Variants in CSPG5 observed in about 807,000 individuals in gnomAD.
The protein encoded by CSPG5 is chondroitin sulfate proteoglycan 5.
CSPG5 carries 25 observed loss-of-function variants against 39.8 expected under a neutral mutation model. The ratio of observed to expected loss-of-function variants is 0.63; its 90% CI spans 0.46 to 0.88. The LOEUF (loss-of-function observed/expected upper bound fraction) is 0.88. Ranked by LOEUF, CSPG5 falls within the 40% of genes least tolerant of loss-of-function variation. The probability of loss-of-function intolerance (pLI) is 0.00; values close to 1 mark genes in which losing one functional copy is unlikely to be tolerated. For missense variants in CSPG5, 627 were observed against 702.2 expected (o/e 0.89, Z 1.21); for synonymous variants, 295 against 303.9 (o/e 0.97, Z 0.31).
chr3:47,569,528 C>T lies in CSPG5; in HGVS notation c.1383-301G>A, dbSNP rs544002650. ...CTGAGGCAGGAGAATTGTTTGAACCCAGGAGGCGGAGGTTGCAGGGAGCCA... is the reference window on the plus strand; with the variant it reads ...CTGAGGCAGGAGAATTGTTTGAACCTAGGAGGCGGAGGTTGCAGGGAGCCA... On this transcript the variant is annotated intron_variant, in intron 3 of 4. Coordinates refer to ENST00000264723, the MANE Select transcript of CSPG5 (RefSeq NM_006574.4). Among the ~76,000 whole-genome samples, 163 of 151,846 alleles carry T rather than the reference C, an allele frequency of 1.1e-3. 1 individual carries two copies. The highest frequency in any genetic ancestry group is 3.6e-3 in the African/African-American group (149 of 41,438).
intron 4 of CSPG5, 24 bp from the exon 5 acceptor site, chr3:47,562,785 G>A (rs371137351): frequency 1.3e-6 from 2 of 1,581,090 alleles, no homozygotes; most frequent in South Asian, 2.2e-5. Context: ...AAAGTTGGGG[G>A]GGGGGAGACA....
At chr3:47,571,475 C>T (rs896238413) in intron 3 of CSPG5, among the ~76,000 whole-genome samples, 5 of 152,224 alleles carry the variant, frequency 3.3e-5, no homozygotes, top group African/African-American at 1.2e-4. Flanking sequence ...GCTCACCCAC[C>T]CCCTTGGTGT....
intron 4 of CSPG5, among the ~76,000 whole-genome samples, chr3:47,567,043 C>A (rs781770875): frequency 6.6e-6 from 1 of 152,220 alleles, no homozygotes; most frequent in Non-Finnish European, 1.5e-5. Flanking sequence ...GAACAAGAAA[C>A]CTTCGCACCG....
Position 47,578,309 on chromosome 3 carries a change from A to AGGCCCCGCCCC in CSPG5, c.97+277_97+287dup, listed in dbSNP as rs1296316274. ...GGTCCCGCCCCGAAGTCTCACCCTC[A>AGGCCCCGCCCC]GGCCCCGCCCCGGCCCCGCCCCGGC... On this transcript the variant is annotated intron_variant, in intron 1 of 4. Coordinates refer to ENST00000264723, the MANE Select transcript of CSPG5 (RefSeq NM_006574.4). This position sits in a 1 kb window ranked among gnomAD's most constrained non-coding sequence, Gnocchi z 6.0. Among the ~76,000 whole-genome samples, 204 of 138,436 alleles carry AGGCCCCGCCCC rather than the reference A, an allele frequency of 1.5e-3. No homozygotes were observed. Among genetic ancestry groups the AGGCCCCGCCCC allele is most frequent in the Non-Finnish European group, 2.7e-3 (170 of 63,562 alleles). 90.8% of individuals were successfully genotyped at this position (138,436 alleles called of 152,430 possible).
At chr3:47,575,967 C>T (rs899956369) in intron 2 of CSPG5, among the ~76,000 whole-genome samples, 43 of 110,870 alleles carry the variant, frequency 3.9e-4, no homozygotes, top group African/African-American at 1.4e-3. Flanking sequence ...GACAGAGTTT[C>T]GCTCTTGCTG....
chr3:47,572,821 A>G lies in CSPG5; in HGVS notation c.1247T>C (p.Ile416Thr). The G allele has an allele frequency of 6.2e-7, 1 of 1,614,084 alleles. No individual in the cohort carries two copies. The highest frequency in any genetic ancestry group is 8.5e-7 in the Non-Finnish European group (1 of 1,179,954). Residue 416 changes from isoleucine (I) to threonine (T), a missense_variant, in exon 3 of 5, where the codon ATC becomes ACC. Transcript: ENST00000264723. This position sits in a 1 kb window ranked among gnomAD's most constrained non-coding sequence, Gnocchi z 4.5. ...WHKGMRCESI[I>T]TDFQVMCVAV... ...CACGCACATCACCTGGAAGTCGGTG[A>G]TGATGGACTCGCAGCGCATCCCCTT...
intron 3 of CSPG5, among the ~76,000 whole-genome samples, chr3:47,570,177 C>T (rs1184660852): frequency 6.6e-6 from 1 of 151,994 alleles, no homozygotes; most frequent in Non-Finnish European, 1.5e-5. Context: ...GTTGGCTGCA[C>T]CTATCAACCC....
At position 47,562,476 on chromosome 3, in the gene CSPG5, T is replaced by G; in HGVS notation, c.*124A>C. ...GTACAAAATACATAAAAGCATGCCA[T>G]GAGATCAGAAAAAGAAAAGAGTTTA... is the stretch of plus-strand genomic sequence containing the variant. On this transcript the variant is annotated 3_prime_UTR_variant, in exon 5 of 5. Coordinates refer to ENST00000264723, the MANE Select transcript of CSPG5 (RefSeq NM_006574.4). 2 of 979,572 alleles carry G rather than the reference T, an allele frequency of 2.0e-6. No homozygotes were observed. The highest frequency in any genetic ancestry group is 3.0e-6 in the Non-Finnish European group (2 of 666,026). 60.7% of individuals were successfully genotyped at this position (979,572 alleles called of 1,614,324 possible).
Position 47,576,929 on chromosome 3 carries a change from T to C in CSPG5, c.1097A>G (p.His366Arg), listed in dbSNP as rs1371549060. 1.2e-6 allele frequency: 2 copies of C among 1,612,988 alleles called. No individual in the cohort carries two copies. The highest frequency in any genetic ancestry group is 1.7e-4 in the Middle Eastern group (1 of 6,058). The change falls in exon 2 of 5, where the codon CAT (histidine) becomes CGT (arginine). Residue 366 changes from histidine (H) to arginine (R), a missense_variant. Coordinates refer to ENST00000264723, the MANE Select transcript of CSPG5 (RefSeq NM_006574.4). Reference protein sequence around the residue: ...GTECRSGFVRHNGSCRSVCDL... With the variant: ...GTECRSGFVRRNGSCRSVCDL... ...GCACACTGACCGGCAGGAGCCGTTA[T>C]GCCGCACAAAGCCACTGCGGCACTC...
In CSPG5 at chr3:47,577,983, G is replaced by T; in HGVS notation, c.98-55C>A. The stretch of plus-strand genomic sequence containing the variant: ...TCAGGGCGGCGCGCTGAGGAGCCCT[G>T]GAGCCCCGGCCCGCCCCGGTCAGGC... On this transcript the variant is annotated intron_variant, in intron 1 of 4. Transcript: ENST00000264723. This position sits in a 1 kb window ranked among gnomAD's most constrained non-coding sequence, Gnocchi z 4.7. 1 of 1,369,234 alleles carries T rather than the reference G, an allele frequency of 7.3e-7. No homozygotes were observed. The highest frequency in any genetic ancestry group is 9.3e-7 in the Non-Finnish European group (1 of 1,070,394). 84.8% of individuals were successfully genotyped at this position (1,369,234 alleles called of 1,614,324 possible). A position where few individuals can be genotyped will look rare whatever the true frequency, so the allele number is the denominator to read the frequency against.
intron 3 of CSPG5, among the ~76,000 whole-genome samples, chr3:47,570,213 G>A (rs1000576965): frequency 1.3e-5 from 2 of 151,842 alleles, no homozygotes; most frequent in African/African-American, 4.8e-5. Flanking sequence ...AGCCCCACGT[G>A]CATTAGCTAT....
chr3:47,562,644 G>C lies in CSPG5; in HGVS notation c.1576C>G (p.Gln526Glu). ...AGACAGTTCACATCCAAGTCAGCCTGGTCACCTTTGCCACCCTCAAGTTTG... is the reference window on the plus strand; with the variant it reads ...AGACAGTTCACATCCAAGTCAGCCTCGTCACCTTTGCCACCCTCAAGTTTG... ...SPKLEGGKGD[Q>E]ADLDVNCLQN... is the part of the protein sequence containing the mutation. Residue 526 changes from glutamine (Q) to glutamate (E), a missense_variant, in exon 5 of 5, where the codon CAG (glutamine) becomes GAG (glutamate). Physicochemically the swap from Gln to Glu is conservative, Grantham distance 29. Transcript: ENST00000264723. 1 of 1,613,746 alleles carries C rather than the reference G, an allele frequency of 6.2e-7. No individual in the cohort carries two copies. The highest frequency in any genetic ancestry group is 8.5e-7 in the Non-Finnish European group (1 of 1,179,940).
Position 47,577,265 on chromosome 3 carries a change from T to C in CSPG5, c.761A>G (p.Tyr254Cys). 6.2e-7 allele frequency: 1 copy of C among 1,612,680 alleles called. No individual in the cohort carries two copies. Among genetic ancestry groups the C allele is most frequent in the Non-Finnish European group, 8.5e-7 (1 of 1,179,338 alleles). Residue 254 changes from tyrosine (Y) to cysteine (C), a missense_variant, in exon 2 of 5, where the codon TAC (tyrosine) becomes TGC (cysteine). Transcript: ENST00000264723. This position sits in a 1 kb window ranked among gnomAD's most constrained non-coding sequence, Gnocchi z 4.7. ...TTCATCGAAGGGGGTGAAATCATCGTATAAGTCAAGCAGGCTCCAGGAAGG... is the reference window on the plus strand; with the variant it reads ...TTCATCGAAGGGGGTGAAATCATCGCATAAGTCAAGCAGGCTCCAGGAAGG... Reference protein sequence around the residue: ...ETPSWSLLDLYDDFTPFDESD... With the variant: ...ETPSWSLLDLCDDFTPFDESD...
At chr3:47,579,579 T>A (rs1380038528), upstream of CSPG5, 3 of 152,274 alleles carry the variant, frequency 2.0e-5, no homozygotes, top group Non-Finnish European at 4.4e-5. This position sits in a 1 kb window ranked among gnomAD's most constrained non-coding sequence, Gnocchi z 4.2. Context: ...CTCGCCTTCC[T>A]TCTAGTCTCC....
chr3:47,570,164 G>T (rs554287821), intron 3 of CSPG5, among the ~76,000 whole-genome samples: 1 of 151,984 alleles, frequency 6.6e-6, no homozygotes, highest in Non-Finnish European at 1.5e-5. Flanking sequence ...GTGTGTCATG[G>T]TAGTTGGCTG....
At chr3:47,570,584 A>G (rs2031491475) in intron 3 of CSPG5, among the ~76,000 whole-genome samples, 1 of 150,680 alleles carries the variant, frequency 6.6e-6, no homozygotes, top group Non-Finnish European at 1.5e-5. Flanking sequence ...ATCTCGGCTC[A>G]CCGCAACCTC....
At chr3:47,574,756 A>G (rs1034282060) in intron 2 of CSPG5, among the ~76,000 whole-genome samples, 5 of 152,066 alleles carry the variant, frequency 3.3e-5, no homozygotes, top group South Asian at 4.1e-4. Flanking sequence ...TGGCTAACAC[A>G]GTGAAATCCC....
chr3:47,577,204 G>A lies in CSPG5; in HGVS notation c.822C>T (p.Asp274=). The A allele has an allele frequency of 6.2e-7, 1 of 1,607,590 alleles. No homozygotes were observed. The highest frequency in any genetic ancestry group is 8.5e-7 in the Non-Finnish European group (1 of 1,176,766). The change falls in exon 2 of 5, where the codon GAC becomes GAT. Residue 274 remains aspartate (D), a synonymous_variant. Coordinates refer to ENST00000264723, the MANE Select transcript of CSPG5 (RefSeq NM_006574.4). The surrounding 1 kb of genome is among the most constrained non-coding windows in gnomAD (Gnocchi z 4.7). ...DFYPTTSFYD[D]LDEEEEEEED... Reference sequence around the variant, plus strand: ...CCTCTTCCTCCTCCTCTTCATCCAAGTCATCATAAAAGGATGTGGTGGGGT... The same window carrying A: ...CCTCTTCCTCCTCCTCTTCATCCAAATCATCATAAAAGGATGTGGTGGGGT...
chr3:47,567,474 C>T (rs1468844127), intron 4 of CSPG5, among the ~76,000 whole-genome samples: 1 of 152,050 alleles, frequency 6.6e-6, no homozygotes, highest in African/African-American at 2.4e-5. Flanking sequence ...TTATAATGTT[C>T]ATCTTGACCT....
Sources: gnomAD v4.1 joint callset for allele counts (sites outside exome capture counted in the v4.1 genomes callset) on GRCh38, gnomAD v4.1.1 for gene constraint, Gnocchi (gnomAD v3.1) non-coding constraint, MANE v1.5 for transcripts, NCBI Gene and HGNC (gene_info 2026-07-23, HGNC 2026-07-21) for gene names.